Variants in NCKAP5 observed in about 807,000 individuals in gnomAD.
NCKAP5 encodes the protein nck-associated protein 5.
A neutral mutation model predicts 167.0 loss-of-function variants in NCKAP5; 92 were observed. That is an observed-to-expected ratio of 0.55 (90% CI 0.47 to 0.66). The LOEUF is 0.66. NCKAP5 is among the 30% of genes least tolerant of loss of function. The probability of loss-of-function intolerance (pLI) is 0.00; values close to 1 mark genes in which losing one functional copy is unlikely to be tolerated. For synonymous variants in NCKAP5, 891 were observed against 877.4 expected (o/e 1.02, Z -0.27); for missense variants, 2,378 against 2,315.0 (o/e 1.03, Z -0.56).
In NCKAP5 at chr2:132,919,708, A is replaced by G. The variant is rs1276969920; in HGVS notation, c.580-40792T>C. On this transcript the variant is annotated intron_variant, in intron 8 of 19. Coordinates refer to ENST00000409261, the MANE Select transcript of NCKAP5 (RefSeq NM_207363.3). ...AGGAAAGAAAAAGATAAAGCAAAAA[A>G]AGAAAAAAATGAGAAGGAATAAAGA... Among the ~76,000 whole-genome samples, 9 of 152,264 alleles carry G rather than the reference A, an allele frequency of 5.9e-5. No individual in the cohort carries two copies. The East Asian group carries it at 1.5e-3, about 26-fold the overall frequency.
Position 132,773,882 on chromosome 2 carries a change from T to C in NCKAP5, c.5062A>G (p.Asn1688Asp), listed in dbSNP as rs1283407702. 1 of 1,610,512 alleles carries C rather than the reference T, an allele frequency of 6.2e-7. No individual in the cohort carries two copies. Among genetic ancestry groups the C allele is most frequent in the Non-Finnish European group, 8.5e-7 (1 of 1,179,004 alleles). Reference sequence around the variant, plus strand: ...TCTTCATCCTCTTGCAAGTTTTCATTTGCCTCTTTTACCTGCAGGAAGAAG... The same window carrying C: ...TCTTCATCCTCTTGCAAGTTTTCATCTGCCTCTTTTACCTGCAGGAAGAAG... ...VPKDSLVKEA[N>D]ENLQEDEDDA... Residue 1688 changes from asparagine (N) to aspartate (D), a missense_variant, in exon 16 of 20, where the codon AAT becomes GAT. Physicochemically the swap from Asn to Asp is conservative, Grantham distance 23 (BLOSUM62 1). Coordinates refer to ENST00000409261, the MANE Select transcript of NCKAP5 (RefSeq NM_207363.3).
chr2:132,837,070 T>A (rs757167441), intron 11 of NCKAP5, among the ~76,000 whole-genome samples: 4 of 152,204 alleles, frequency 2.6e-5, no homozygotes, highest in Non-Finnish European at 4.4e-5. Context: ...AGCATTTCAT[T>A]CCACTGTGAT....
intron 11 of NCKAP5, among the ~76,000 whole-genome samples, chr2:132,806,777 G>A (rs1685476225): frequency 6.6e-6 from 1 of 152,072 alleles, no homozygotes; most frequent in Non-Finnish European, 1.5e-5. Flanking sequence ...AGTTTAATTA[G>A]GTCCCAGCTA....
the NCKAP5 span, among the ~76,000 whole-genome samples, chr2:133,581,294 G>T: frequency 6.6e-6 from 1 of 152,166 alleles, no homozygotes; most frequent in Admixed American, 6.5e-5. Context: ...GCCAGAGATG[G>T]TTATCTTATT....
At chr2:132,791,520 T>C (rs13426743) in intron 12 of NCKAP5, among the ~76,000 whole-genome samples, 6,505 of 152,222 alleles carry the variant, frequency 0.043, 485 homozygotes, top group African/African-American at 0.15. Context: ...GCTAAATTAA[T>C]TTACATCCCA....
chr2:133,277,524 T>A (rs1299978635), intron 4 of NCKAP5, among the ~76,000 whole-genome samples: 1 of 152,138 alleles, frequency 6.6e-6, no homozygotes, highest in Non-Finnish European at 1.5e-5. Flanking sequence ...TGTGAAGTAA[T>A]AGAGACATTG....
chr2:133,363,013 G>A (rs912769760), intron 3 of NCKAP5, among the ~76,000 whole-genome samples: 5 of 151,636 alleles, frequency 3.3e-5, no homozygotes, highest in East Asian at 3.9e-4. Flanking sequence ...TGATCCGCCC[G>A]CCTCGGCCTC....
chr2:133,499,834 A>G (rs538301947), intron 3 of NCKAP5, among the ~76,000 whole-genome samples: 2 of 152,344 alleles, frequency 1.3e-5, no homozygotes, highest in East Asian at 3.9e-4. Context: ...CTGGGATTAC[A>G]GGCGTGAGCC....
intron 6 of NCKAP5, among the ~76,000 whole-genome samples, chr2:133,009,987 C>T (rs915659204): frequency 7.3e-5 from 11 of 151,660 alleles, no homozygotes; most frequent in Admixed American, 3.9e-4. Flanking sequence ...AGGAGAATGG[C>T]GTGAACCCGG....
rs1406117857 is a variant in NCKAP5 at position 132,785,335 on chromosome 2, T to C, written c.1476A>G (p.Pro492=). ...PSTLALLQAV[P]NQSCRPHGSK... The stretch of plus-strand genomic sequence containing the variant: ...TGCCATGTGGCCTGCAGCTCTGGTT[T>C]GGAACTGCTTGGAGCAATGCTAAGG... The change falls in exon 14 of 20, where the codon CCA becomes CCG. Residue 492 remains proline, a synonymous_variant. Transcript: ENST00000409261. 1 of 1,613,556 alleles carries C rather than the reference T, an allele frequency of 6.2e-7. No individual in the cohort carries two copies. Among genetic ancestry groups the C allele is most frequent in the Admixed American group, 1.7e-5 (1 of 60,004 alleles).
intron 11 of NCKAP5, among the ~76,000 whole-genome samples, chr2:132,826,124 T>C (rs558353584): frequency 6.6e-6 from 1 of 152,340 alleles, no homozygotes; most frequent in African/African-American, 2.4e-5. Context: ...ACTGCTTTGC[T>C]CTCCATGAAT....
chr2:133,604,482 A>T, the NCKAP5 span, among the ~76,000 whole-genome samples: 1 of 152,172 alleles, frequency 6.6e-6, no homozygotes, highest in Non-Finnish European at 1.5e-5. Context: ...CTGGAATTAC[A>T]GGTCTGAGAC....
chr2:132,893,713 G>A (rs1400488019), intron 8 of NCKAP5, among the ~76,000 whole-genome samples: 1 of 152,118 alleles, frequency 6.6e-6, no homozygotes, highest in Non-Finnish European at 1.5e-5. Context: ...CCACTAGTGG[G>A]GAGAAAGGAA....
intron 12 of NCKAP5, among the ~76,000 whole-genome samples, chr2:132,796,324 G>T (rs542481701): frequency 6.6e-6 from 1 of 152,250 alleles, no homozygotes; most frequent in South Asian, 2.1e-4. Context: ...AATATGGGAC[G>T]TGGGTTTTAA....
intron 3 of NCKAP5, among the ~76,000 whole-genome samples, chr2:133,385,174 C>G (rs58029642): frequency 0.3 from 45,331 of 151,988 alleles, 7,472 homozygotes; most frequent in African/African-American, 0.44. Flanking sequence ...TATGATATTG[C>G]CTGTGGGTCT....
At chr2:133,228,739 T>C (rs2087008318) in intron 4 of NCKAP5, among the ~76,000 whole-genome samples, 1 of 152,158 alleles carries the variant, frequency 6.6e-6, no homozygotes, top group South Asian at 2.1e-4. Context: ...CTTCACACCA[T>C]TACCAGGAAG....
the NCKAP5 span, among the ~76,000 whole-genome samples, chr2:133,590,523 CAAAAAAA>C: frequency 4.5e-5 from 4 of 89,700 alleles, no homozygotes; most frequent in Non-Finnish European, 8.5e-5. Context: ...GACTCTGTCT[CAAAAAAA>C]AAAAAAAAAA....
chr2:132,821,170 C>A (rs1032202183), intron 11 of NCKAP5, among the ~76,000 whole-genome samples: 2 of 152,152 alleles, frequency 1.3e-5, no homozygotes, highest in Non-Finnish European at 2.9e-5. Flanking sequence ...GAGTACTCCA[C>A]TGCAAATTCC....
chr2:133,532,794 G>A (rs528211086), intron 2 of NCKAP5, among the ~76,000 whole-genome samples: 4 of 151,966 alleles, frequency 2.6e-5, no homozygotes, highest in East Asian at 1.9e-4. Context: ...CAGATTTACC[G>A]AATATCTGTT....
Sources: allele counts gnomAD v4.1 joint callset (sites outside exome capture counted in the v4.1 genomes callset), GRCh38; gene constraint gnomAD v4.1.1; transcripts MANE v1.5; gene names NCBI Gene and HGNC (gene_info 2026-07-23, HGNC 2026-07-21).